The following ACOXL variants were observed in gnomAD, a reference collection of about 807,000 sequenced individuals.
The protein encoded by ACOXL is acyl-coenzyme A oxidase-like protein.
A neutral mutation model predicts 71.9 loss-of-function variants in ACOXL; 70 were observed. The ratio of observed to expected loss-of-function variants is 0.97; its 90% CI spans 0.80 to 1.19. ACOXL has a LOEUF of 1.19. Ranked by LOEUF, ACOXL falls within the 50% of genes most tolerant of loss-of-function variation. The pLI is 0.00. For synonymous variants in ACOXL, 253 were observed against 281.6 expected, an observed-to-expected ratio of 0.90 and a Z score of 1.02; for missense variants, 703 against 736.3, an observed-to-expected ratio of 0.95 and a Z score of 0.52.
chr2:111,042,706 T>C (rs905017422), intron 15 of ACOXL, among the ~76,000 whole-genome samples: 5 of 152,222 alleles, frequency 3.3e-5, no homozygotes, highest in Non-Finnish European at 5.9e-5. Flanking sequence ...GCTTAGCCTC[T>C]GCTGGGCAGC....
chr2:111,021,403 C>A (rs1300723346), intron 14 of ACOXL, among the ~76,000 whole-genome samples: 2 of 152,134 alleles, frequency 1.3e-5, no homozygotes, highest in Non-Finnish European at 2.9e-5. Context: ...TCATATGTAG[C>A]AGGATGTTGA....
chr2:110,881,974 T>G (rs539367432), intron 10 of ACOXL, among the ~76,000 whole-genome samples: 2 of 152,286 alleles, frequency 1.3e-5, no homozygotes, highest in East Asian at 1.9e-4. Flanking sequence ...ATATGCTATC[T>G]TTTCTCTCAG....
At chr2:110,818,586 T>TAC (rs772388966) in intron 9 of ACOXL, among the ~76,000 whole-genome samples, 1 of 151,722 alleles carries the variant, frequency 6.6e-6, no homozygotes, top group Non-Finnish European at 1.5e-5. Flanking sequence ...TGTATATATA[T>TAC]ACTCTATGCC....
At chr2:110,853,780 A>G (rs910263207) in intron 10 of ACOXL, among the ~76,000 whole-genome samples, 1 of 152,168 alleles carries the variant, frequency 6.6e-6, no homozygotes, top group African/African-American at 2.4e-5. Context: ...TGCCTTGTTG[A>G]TAATCTACAA....
intron 12 of ACOXL, among the ~76,000 whole-genome samples, chr2:110,944,616 G>A (rs1114413): frequency 0.26 from 40,211 of 151,992 alleles, 6,175 homozygotes; most frequent in Non-Finnish European, 0.34. Flanking sequence ...CTGTTTCTGT[G>A]TTGGTTCGCT....
At chr2:111,058,658 G>A (rs1484523664) in intron 16 of ACOXL, among the ~76,000 whole-genome samples, 1 of 152,114 alleles carries the variant, frequency 6.6e-6, no homozygotes, top group East Asian at 1.9e-4. Context: ...TGGAAAAAAA[G>A]AAACCCACAA....
At chr2:110,739,977 C>T (rs971205257) in intron 1 of ACOXL, among the ~76,000 whole-genome samples, 1 of 152,156 alleles carries the variant, frequency 6.6e-6, no homozygotes, top group Non-Finnish European at 1.5e-5. Context: ...ATATCCAGAA[C>T]TTGTAGACCT....
chr2:110,764,045 A>G (rs1680731384), intron 1 of ACOXL, among the ~76,000 whole-genome samples: 1 of 152,240 alleles, frequency 6.6e-6, no homozygotes, highest in Admixed American at 6.5e-5. Flanking sequence ...TGACAACACT[A>G]AATGCTGACA....
intron 12 of ACOXL, among the ~76,000 whole-genome samples, chr2:110,934,650 G>T (rs1383491096): frequency 1.3e-5 from 2 of 152,298 alleles, no homozygotes; most frequent in Non-Finnish European, 2.9e-5. Context: ...GCACAGAGGG[G>T]CAATGGTGAA....
chr2:110,778,846 A>G (rs532365931), intron 2 of ACOXL, among the ~76,000 whole-genome samples: 57 of 152,352 alleles, frequency 3.7e-4, no homozygotes, highest in African/African-American at 1.2e-3. Context: ...TCATGGGCCA[A>G]AAATTATAAG....
intron 16 of ACOXL, among the ~76,000 whole-genome samples, chr2:111,058,213 G>A (rs1168449684): frequency 1.3e-5 from 2 of 152,220 alleles, no homozygotes; most frequent in African/African-American, 2.4e-5. Context: ...GCCTGGCCAA[G>A]ACTTATCATT....
At position 110,806,926 on chromosome 2, in the gene ACOXL, C is replaced by T. The variant is rs528929291; in HGVS notation, c.753+1531C>T. ...AGACCAGGCAGAGGTGGGAGCCTTC[C>T]AGGAGGGCCTTGGTTTTAAATATCA... On this transcript the variant is annotated intron_variant, in intron 9 of 17. Coordinates refer to ENST00000439055, the MANE Select transcript of ACOXL (RefSeq NM_001142807.4). Among the ~76,000 whole-genome samples, 33 of 151,854 alleles carry T rather than the reference C, an allele frequency of 2.2e-4. 3 individuals are homozygous for T. The South Asian group carries it at 6.9e-3, about 32-fold the overall frequency.
intron 9 of ACOXL, among the ~76,000 whole-genome samples, chr2:110,823,555 G>A (rs1688855864): frequency 6.6e-6 from 1 of 152,196 alleles, no homozygotes; most frequent in South Asian, 2.1e-4. Context: ...CTTCTGCAGT[G>A]GCTGTATAAT....
chr2:110,734,995 T>C (rs891910875), intron 1 of ACOXL, among the ~76,000 whole-genome samples: 2 of 152,328 alleles, frequency 1.3e-5, no homozygotes, highest in Admixed American at 6.5e-5. Flanking sequence ...ACACTGGTTG[T>C]GGTGGGATAC....
intron 16 of ACOXL, among the ~76,000 whole-genome samples, chr2:111,073,908 T>A (rs2067466575): frequency 6.6e-6 from 1 of 152,212 alleles, no homozygotes; most frequent in Admixed American, 6.5e-5. Context: ...CCTCTTTGAT[T>A]TCTTTAATCC....
At chr2:110,868,879 C>T (rs1694938628) in intron 10 of ACOXL, among the ~76,000 whole-genome samples, 2 of 152,254 alleles carry the variant, frequency 1.3e-5, no homozygotes, top group Non-Finnish European at 2.9e-5. Context: ...GCGTGAGCCA[C>T]TGCTTCCAGC....
intron 14 of ACOXL, among the ~76,000 whole-genome samples, chr2:111,010,687 AAGTT>A (rs2064109427): frequency 6.6e-6 from 1 of 152,180 alleles, no homozygotes; most frequent in African/African-American, 2.4e-5. Context: ...TAAATCTTAA[AAGTT>A]AGAAGAGAAC....
chr2:110,823,722 T>A lies in ACOXL; in HGVS notation c.754-17649T>A, dbSNP rs537331110. On this transcript the variant is annotated intron_variant, in intron 9 of 17. Transcript: ENST00000439055. Reference sequence around the variant, plus strand: ...TGCATTTCCCTGATGACAAATGATGTTGAGCATCATTTCATGTGCATGTTT... The same window carrying A: ...TGCATTTCCCTGATGACAAATGATGATGAGCATCATTTCATGTGCATGTTT... 1.9e-4 allele frequency among the ~76,000 whole-genome samples: 29 copies of A among 152,368 alleles called. No individual in the cohort carries two copies. The South Asian group carries it at 5.8e-3, about 30-fold the overall frequency.
intron 14 of ACOXL, among the ~76,000 whole-genome samples, chr2:111,004,871 A>G (rs549948652): frequency 1.3e-5 from 2 of 152,312 alleles, no homozygotes; most frequent in South Asian, 4.1e-4. Context: ...TGTGTTTGTT[A>G]GGTTTTTACA....
Sources: gnomAD v4.1 joint callset for allele counts (sites outside exome capture counted in the v4.1 genomes callset) on GRCh38, gnomAD v4.1.1 for gene constraint, MANE v1.5 for transcripts, NCBI Gene and HGNC (gene_info 2026-07-23, HGNC 2026-07-21) for gene names.